The following ANXA8 variants were observed in gnomAD, a reference collection of about 807,000 sequenced individuals.
ANXA8 encodes annexin A8, also known as VAC-beta.
ANXA8 carries 9 observed loss-of-function variants against 26.8 expected under a neutral mutation model. The ratio of observed to expected loss-of-function variants is 0.34; its 90% CI spans 0.20 to 0.59. The LOEUF (loss-of-function observed/expected upper bound fraction) is 0.59. ANXA8 is among the 20% of genes least tolerant of loss of function. The pLI is 0.84. For synonymous variants in ANXA8, 39 were observed against 94.8 expected (o/e 0.41, Z 3.42); for missense variants, 83 against 238.5 (o/e 0.35, Z 4.29).
the ANXA8 span, among the ~76,000 whole-genome samples, chr10:47,673,883 A>T: frequency 2.0e-5 from 3 of 148,354 alleles, no homozygotes; most frequent in Admixed American, 6.7e-5. Context: ...TCATTAACTA[A>T]AGTCCATACT....
At chr10:47,486,097 A>G (rs1311844960), upstream of ANXA8, among the ~76,000 whole-genome samples, 1 of 148,560 alleles carries the variant, frequency 6.7e-6, no homozygotes, top group Non-Finnish European at 1.5e-5. Flanking sequence ...AACAGAGTGA[A>G]ACTCCGTCTT....
chr10:47,490,644 GCTGAGCTTTTCTCCCAA>G, the ANXA8 span, among the ~76,000 whole-genome samples: 1 of 129,110 alleles, frequency 7.7e-6, no homozygotes, highest in African/African-American at 2.8e-5. Context: ...TTCTCCCAAC[GCTGAGCTTTTCTCCCAA>G]CAGGAATCAT....
At chr10:47,907,274 G>A in the ANXA8 span, among the ~76,000 whole-genome samples, 23 of 152,034 alleles carry the variant, frequency 1.5e-4, no homozygotes, top group African/African-American at 4.6e-4. Flanking sequence ...GGAGAATGGC[G>A]TGAACCCGGG....
At chr10:47,763,522 CGG>C in the ANXA8 span, 2 of 679,562 alleles carry the variant, frequency 2.9e-6, no homozygotes, top group Admixed American at 1.5e-4. Flanking sequence ...CGGTGGTTAT[CGG>C]ATGGAGGCCA....
chr10:47,932,732 G>C, the ANXA8 span, among the ~76,000 whole-genome samples: 25 of 86,430 alleles, frequency 2.9e-4, 5 homozygotes, highest in Admixed American at 9.2e-4. Flanking sequence ...CTGTCTTTCT[G>C]TCTCTCTCTC....
the ANXA8 span, chr10:47,549,262 T>A: frequency 6.7e-7 from 1 of 1,500,276 alleles, no homozygotes; most frequent in Admixed American, 1.7e-5. Flanking sequence ...ACCACAATGC[T>A]GTAAGTCTCC....
chr10:47,584,975 A>C, the ANXA8 span, among the ~76,000 whole-genome samples: 5,549 of 147,332 alleles, frequency 0.038, 1,064 homozygotes, highest in African/African-American at 0.14. Context: ...GTAATCCTAG[A>C]TACTCAGGAG....
chr10:47,554,110 A>AAAAAAAATAAATAAATAAAT, the ANXA8 span, among the ~76,000 whole-genome samples: 2 of 129,864 alleles, frequency 1.5e-5, no homozygotes, highest in African/African-American at 5.9e-5. Context: ...CATCTCTCAA[A>AAAAAAAATAAATAAATAAAT]AAATAAATAA....
the ANXA8 span, among the ~76,000 whole-genome samples, chr10:47,506,660 G>T: frequency 7.0e-6 from 1 of 142,522 alleles, no homozygotes; most frequent in Admixed American, 7.2e-5. Flanking sequence ...TGTTTGTTTA[G>T]ACAGAGTCTT....
At chr10:47,979,346 C>G in the ANXA8 span, among the ~76,000 whole-genome samples, 3 of 151,720 alleles carry the variant, frequency 2.0e-5, no homozygotes, top group Non-Finnish European at 2.9e-5. Flanking sequence ...AACACTCCAC[C>G]ACCACCAACA....
the ANXA8 span, among the ~76,000 whole-genome samples, chr10:47,937,527 T>G: frequency 6.9e-6 from 1 of 144,416 alleles, no homozygotes; most frequent in Admixed American, 6.9e-5. Context: ...GGTAAACTTG[T>G]GTCATGGGGA....
chr10:47,767,838 C>T, the ANXA8 span, among the ~76,000 whole-genome samples: 1,405 of 149,456 alleles, frequency 9.4e-3, 11 homozygotes, highest in Non-Finnish European at 0.015. Context: ...GAAAGCCCCA[C>T]GTGGAGGAGC....
At chr10:47,551,191 A>G in the ANXA8 span, among the ~76,000 whole-genome samples, 22 of 151,938 alleles carry the variant, frequency 1.4e-4, no homozygotes, top group African/African-American at 4.4e-4. Flanking sequence ...ATAACAGATA[A>G]GAGCAGAGGC....
chr10:47,771,504 C>T, the ANXA8 span, among the ~76,000 whole-genome samples: 2 of 151,650 alleles, frequency 1.3e-5, no homozygotes, highest in Non-Finnish European at 2.9e-5. Context: ...ACTTTACTTA[C>T]ATTGTTTTAT....
the ANXA8 span, among the ~76,000 whole-genome samples, chr10:47,621,970 C>T: frequency 9.4e-6 from 1 of 106,478 alleles, no homozygotes; most frequent in East Asian, 2.2e-4. Context: ...TATACAACAA[C>T]AAGACGTGGG....
the ANXA8 span, among the ~76,000 whole-genome samples, chr10:47,762,360 C>T: frequency 7.1e-6 from 1 of 141,606 alleles, no homozygotes; most frequent in Non-Finnish European, 1.6e-5. Context: ...AAAAAGGTGC[C>T]TCCCTTAGGG....
At chr10:47,469,235 T>C (rs1194757911) in intron 11 of ANXA8, among the ~76,000 whole-genome samples, 3 of 146,770 alleles carry the variant, frequency 2.0e-5, no homozygotes, top group Admixed American at 1.4e-4. Context: ...AGCCATTCAT[T>C]TACACAACAG....
the ANXA8 span, among the ~76,000 whole-genome samples, chr10:47,680,640 A>C: frequency 6.6e-6 from 1 of 152,110 alleles, no homozygotes; most frequent in Non-Finnish European, 1.5e-5. Flanking sequence ...ATCTCAAAAA[A>C]AAAAAAATCA....
chr10:47,672,226 T>C, the ANXA8 span, among the ~76,000 whole-genome samples: 1 of 149,984 alleles, frequency 6.7e-6, no homozygotes, highest in East Asian at 1.9e-4. Context: ...TTAAGAACAA[T>C]TGTTAATTGT....
Sources: gnomAD v4.1 joint callset for allele counts (sites outside exome capture counted in the v4.1 genomes callset) on GRCh38, gnomAD v4.1.1 for gene constraint, MANE v1.5 for transcripts, NCBI Gene and HGNC (gene_info 2026-07-23, HGNC 2026-07-21) for gene names.